ANK3: variants seen among roughly 807,000 people sequenced by gnomAD.
ANK3 encodes ankyrin-3.
ANK3 carries 57 observed loss-of-function variants against 370.9 expected under a neutral mutation model. The observed-to-expected ratio is 0.15, with a 90% CI of 0.12 to 0.19. The LOEUF (loss-of-function observed/expected upper bound fraction) is 0.19. Among genes scored for constraint, ANK3 ranks in the 10% least tolerant of loss-of-function variants. The pLI is 1.00. For missense variants in ANK3, 4,439 were observed against 5,302.1 expected (o/e 0.84, Z 5.06); for synonymous variants, 1,929 against 1,946.3 (o/e 0.99, Z 0.23).
chr10:60,482,305 A>T (rs188020478), intron 2 of ANK3, among the ~76,000 whole-genome samples: 21 of 152,296 alleles, frequency 1.4e-4, no homozygotes, highest in Admixed American at 7.2e-4. Context: ...GTCCAGAGAA[A>T]TTAAGTAAAT....
chr10:60,378,733 C>A (rs1459727), intron 1 of ANK3, among the ~76,000 whole-genome samples: 57,945 of 151,706 alleles, frequency 0.38, 11,649 homozygotes, highest in Middle Eastern at 0.49. Context: ...AATATAAGAC[C>A]CCAAATGATA....
chr10:60,447,726 T>C (rs1273229859), intron 2 of ANK3, among the ~76,000 whole-genome samples: 1 of 152,082 alleles, frequency 6.6e-6, no homozygotes, highest in East Asian at 1.9e-4. Context: ...GTGAATGAAA[T>C]GAGGGACTTG....
At chr10:60,086,032 C>T (rs552836959) in intron 30 of ANK3, among the ~76,000 whole-genome samples, 2 of 152,314 alleles carry the variant, frequency 1.3e-5, no homozygotes, top group South Asian at 4.2e-4. Context: ...AAAATTACTC[C>T]TCAGAGAACA....
At chr10:60,608,051 G>A (rs528757290) in intron 2 of ANK3, among the ~76,000 whole-genome samples, 4 of 152,238 alleles carry the variant, frequency 2.6e-5, no homozygotes, top group Admixed American at 1.3e-4. Context: ...CCTGGGTGGG[G>A]CATGATTTGG....
At chr10:60,449,351 G>A (rs1390599147) in intron 2 of ANK3, among the ~76,000 whole-genome samples, 1 of 152,030 alleles carries the variant, frequency 6.6e-6, no homozygotes, top group Non-Finnish European at 1.5e-5. Flanking sequence ...CACAACAAAT[G>A]TTTGAAATCT....
At position 60,594,856 on chromosome 10, in the gene ANK3, T is replaced by C. The variant is rs2077965739; in HGVS notation, c.96+20330A>G. ...AGTCCTGCTGGTTGTGCCTGAGTAA[T>C]GCATGTTCTCTGGCTTCCTCACAAT... is the stretch of plus-strand genomic sequence containing the variant. On this transcript the variant is annotated intron_variant, in intron 2 of 43. Coordinates refer to the ANK3 transcript ENST00000373827. 1.3e-5 allele frequency among the ~76,000 whole-genome samples: 2 copies of C among 152,120 alleles called. 1 individual carries two copies. The highest frequency in any genetic ancestry group is 4.1e-4 in the South Asian group (2 of 4,826).
intron 40 of ANK3, chr10:60,059,799 TC>T: frequency 6.2e-7 from 1 of 1,614,234 alleles, no homozygotes; most frequent in Non-Finnish European, 8.5e-7. Context: ...TAAGGAAGCG[TC>T]TTCTGCAGTT....
chr10:60,590,840 T>G (rs946499068), intron 2 of ANK3, among the ~76,000 whole-genome samples: 4 of 152,196 alleles, frequency 2.6e-5, no homozygotes, highest in African/African-American at 9.7e-5. Flanking sequence ...ACTATATTGG[T>G]TTTTTACTTG....
chr10:60,082,707 G>A lies in ANK3; in HGVS notation c.4231C>T (p.Arg1411Cys). The change falls in exon 34 of 44, where the codon CGT (arginine) becomes TGT (cysteine). Residue 1411 changes from arginine to cysteine, a missense_variant. By Grantham distance (180) the Arg-to-Cys change is radical. Transcript: ENST00000280772. ...TTTGGTTCTTTCAGAAAAGACAGAC[G>A]ACCACAGGGCTCTTGGCTGGTGTCT... ...IRDTSQEPCG[R>C]LSFLKEPKTT... is the part of the protein sequence containing the mutation. 2 of 1,613,994 alleles carry A rather than the reference G, an allele frequency of 1.2e-6. No homozygotes were observed. Among genetic ancestry groups the A allele is most frequent in the Non-Finnish European group, 1.7e-6 (2 of 1,179,934 alleles).
chr10:60,684,443 G>C, intron 1 of ANK3: 1 of 950,590 alleles, frequency 1.1e-6, no homozygotes, highest in South Asian at 1.6e-5. Flanking sequence ...CACCTACGAA[G>C]AGAAGTCCTA....
At chr10:60,038,600 G>A (rs2075543242) in intron 43 of ANK3, among the ~76,000 whole-genome samples, 1 of 152,116 alleles carries the variant, frequency 6.6e-6, no homozygotes, top group African/African-American at 2.4e-5. Context: ...TCTGACAAAA[G>A]TCTAACATCG....
At chr10:60,563,206 G>T (rs1013318402) in intron 2 of ANK3, among the ~76,000 whole-genome samples, 1 of 152,150 alleles carries the variant, frequency 6.6e-6, no homozygotes, top group African/African-American at 2.4e-5. Context: ...TAAGCAAGCA[G>T]TTTTCTGTTA....
chr10:60,390,767 A>C (rs2125759), upstream of ANK3, among the ~76,000 whole-genome samples: 16,929 of 49,344 alleles, frequency 0.34, 1,242 homozygotes, highest in South Asian at 0.47. Context: ...CACACACACA[A>C]ACAACAATTT....
At chr10:60,153,298 A>G (rs554777647) in intron 23 of ANK3, among the ~76,000 whole-genome samples, 1 of 152,306 alleles carries the variant, frequency 6.6e-6, no homozygotes, top group Non-Finnish European at 1.5e-5. Context: ...CTACTGGGTA[A>G]GAGAAGAACT....
At chr10:60,467,324 A>G (rs758861401) in intron 2 of ANK3, among the ~76,000 whole-genome samples, 5 of 152,150 alleles carry the variant, frequency 3.3e-5, no homozygotes, top group Non-Finnish European at 7.3e-5. Context: ...TCATTAACAT[A>G]TAGTTGCTCT....
At chr10:60,477,512 G>C (rs72807920) in intron 2 of ANK3, among the ~76,000 whole-genome samples, 14,259 of 113,740 alleles carry the variant, frequency 0.13, 817 homozygotes, top group Middle Eastern at 0.15. Context: ...CAGACAGACA[G>C]ACATACACAC....
At chr10:60,621,432 A>T (rs979317858) in intron 1 of ANK3, among the ~76,000 whole-genome samples, 1 of 152,196 alleles carries the variant, frequency 6.6e-6, no homozygotes, top group Non-Finnish European at 1.5e-5. Flanking sequence ...ATCATTTTAA[A>T]CACACTTGAA....
Position 60,278,761 on chromosome 10 carries a change from G to A in ANK3, c.414+13C>T, listed in dbSNP as rs984890538. 11 of 1,603,880 alleles carry A rather than the reference G, an allele frequency of 6.9e-6. No homozygotes were observed. The highest frequency in any genetic ancestry group is 9.4e-6 in the Non-Finnish European group (11 of 1,170,804). On this transcript the variant is annotated intron_variant, in intron 4 of 43. Transcript: ENST00000280772. ...GATAACAAAATGTCTGTGGCATGGA[G>A]TTGTAGGCTTACCTGAGATTGTGCA... is the stretch of plus-strand genomic sequence containing the variant.
chr10:60,550,271 G>C (rs960493587), intron 2 of ANK3, among the ~76,000 whole-genome samples: 2 of 151,596 alleles, frequency 1.3e-5, no homozygotes, highest in African/African-American at 2.4e-5. Context: ...ATGTGTCTTA[G>C]GGATGCATAG....
Sources: gnomAD v4.1 joint callset for allele counts (sites outside exome capture counted in the v4.1 genomes callset) on GRCh38, gnomAD v4.1.1 for gene constraint, MANE v1.5 for transcripts, NCBI Gene and HGNC (gene_info 2026-07-23, HGNC 2026-07-21) for gene names.